Variants in CEP57 observed in about 807,000 individuals in gnomAD.
The protein encoded by CEP57 is centrosomal protein 57.
In CEP57, 40 loss-of-function variants were observed where a neutral mutation model predicts 68.0. That is an observed-to-expected ratio of 0.59 (90% CI 0.46 to 0.77). CEP57 has a LOEUF of 0.77. Ranked by LOEUF, CEP57 falls within the 30% of genes least tolerant of loss-of-function variation. The pLI, the probability that CEP57 is intolerant of heterozygous loss-of-function variation, is 0.00. For synonymous variants in CEP57, 219 were observed against 198.7 expected (o/e 1.10, Z -0.86); for missense variants, 606 against 580.7 (o/e 1.04, Z -0.45).
chr11:95,822,536 A>C lies in CEP57; in HGVS notation c.845A>C (p.Tyr282Ser). The change falls in exon 8 of 11, where the codon TAT (tyrosine) becomes TCT (serine). Residue 282 changes from tyrosine to serine, a missense_variant. Tyr to Ser is a moderately radical substitution (Grantham distance 144). Transcript: ENST00000325542. ...SRNYFGAQPH[Y>S]RLCLGDMPFV... The stretch of plus-strand genomic sequence containing the variant: ...AACTATTTTGGTGCACAACCACATT[A>C]TAGATTATGCTTGGGTGATATGCCA... The C allele has an allele frequency of 6.2e-7, 1 of 1,613,760 alleles. No individual in the cohort carries two copies. The highest frequency in any genetic ancestry group is 1.1e-5 in the South Asian group (1 of 91,078).
chr11:95,795,817 G>A (rs921722360), intron 1 of CEP57, among the ~76,000 whole-genome samples: 9 of 152,072 alleles, frequency 5.9e-5, no homozygotes, highest in African/African-American at 2.2e-4. Flanking sequence ...ATTGGACCTT[G>A]ACTTCTCCAA....
intron 2 of CEP57, among the ~76,000 whole-genome samples, chr11:95,811,769 T>G (rs182136095): frequency 6.6e-6 from 1 of 152,144 alleles, no homozygotes; most frequent in Non-Finnish European, 1.5e-5. Flanking sequence ...AGATTTATAC[T>G]TTGATGGAAA....
intron 2 of CEP57, among the ~76,000 whole-genome samples, chr11:95,812,019 G>T (rs936123992): frequency 6.6e-6 from 1 of 152,022 alleles, no homozygotes; most frequent in Non-Finnish European, 1.5e-5. Context: ...CATTATCTTT[G>T]GGTAATAGGA....
chr11:95,819,092 G>GT (rs1036346628), intron 6 of CEP57, among the ~76,000 whole-genome samples, 188 bp downstream of exon 6: 5 of 152,082 alleles, frequency 3.3e-5, no homozygotes, highest in African/African-American at 1.2e-4. Context: ...AATTTGAACA[G>GT]TTTTTTAGCA....
Position 95,828,128 on chromosome 11 carries a change from G to A in CEP57, c.1127+101G>A, listed in dbSNP as rs536677907. The A allele has an allele frequency of 2.4e-5, 34 of 1,395,738 alleles. No individual in the cohort carries two copies. The South Asian group carries it at 4.4e-4, about 18-fold the overall frequency. 86.5% of individuals were successfully genotyped at this position (1,395,738 alleles called of 1,614,324 possible). A position where few individuals can be genotyped will look rare whatever the true frequency, so the allele number is the denominator to read the frequency against. On this transcript the variant is annotated intron_variant, in intron 9 of 10. Transcript: ENST00000325542. ...AATCTTACTTTCCTTTGTTGAGCAA[G>A]TATGGTTGAGCACAATCCTTATACC... is the stretch of plus-strand genomic sequence containing the variant.
intron 1 of CEP57, among the ~76,000 whole-genome samples, chr11:95,796,416 T>C (rs1565309778): frequency 6.6e-6 from 1 of 152,196 alleles, no homozygotes; most frequent in Non-Finnish European, 1.5e-5. Flanking sequence ...AGAATTGGGC[T>C]CCTTTCTACG....
intron 9 of CEP57, among the ~76,000 whole-genome samples, chr11:95,828,629 A>G (rs1225311168): frequency 1.3e-5 from 2 of 152,362 alleles, no homozygotes; most frequent in East Asian, 3.9e-4. Flanking sequence ...TTGAAGAGCA[A>G]GATTCATCTG....
At chr11:95,807,649 CGAGAA>C (rs1182384345) in intron 2 of CEP57, among the ~76,000 whole-genome samples, 1 of 151,802 alleles carries the variant, frequency 6.6e-6, no homozygotes, top group Non-Finnish European at 1.5e-5. Context: ...TGAAATGAAG[CGAGAA>C]GAGAAGTTTA....
At chr11:95,799,983 G>C (rs762766474) in intron 2 of CEP57, among the ~76,000 whole-genome samples, 18 of 151,972 alleles carry the variant, frequency 1.2e-4, no homozygotes, top group Non-Finnish European at 2.4e-4. Context: ...CTTTGCTCTG[G>C]CTACTTTGAA....
intron 4 of CEP57, chr11:95,815,237 A>T (rs1862253545): frequency 6.6e-6 from 1 of 152,246 alleles, no homozygotes; most frequent in Admixed American, 6.5e-5. Context: ...TTGAGCAATC[A>T]TACAACAGTA....
At chr11:95,797,717 G>A (rs534554321) in intron 1 of CEP57, among the ~76,000 whole-genome samples, 1 of 152,318 alleles carries the variant, frequency 6.6e-6, no homozygotes, top group African/African-American at 2.4e-5. Context: ...GTCATGAGGA[G>A]TGATATAAAA....
chr11:95,807,920 G>T (rs570380086), intron 2 of CEP57, among the ~76,000 whole-genome samples: 1 of 152,274 alleles, frequency 6.6e-6, no homozygotes, highest in South Asian at 2.1e-4. Flanking sequence ...ATAATTGTCA[G>T]ATTCACCAAA....
intron 2 of CEP57, among the ~76,000 whole-genome samples, chr11:95,803,232 T>A (rs1164066245): frequency 6.6e-6 from 1 of 152,132 alleles, no homozygotes; most frequent in Non-Finnish European, 1.5e-5. Context: ...AAAAGCATAC[T>A]TAGAGGAATT....
At chr11:95,830,452 A>G (rs1438054218) in intron 10 of CEP57, among the ~76,000 whole-genome samples, 1 of 152,252 alleles carries the variant, frequency 6.6e-6, no homozygotes, top group Non-Finnish European at 1.5e-5. Flanking sequence ...TGCCAGCATC[A>G]GTTTGGCTAA....
intron 2 of CEP57, among the ~76,000 whole-genome samples, chr11:95,802,678 T>C (rs1174470809): frequency 1.3e-5 from 2 of 152,236 alleles, no homozygotes; most frequent in Non-Finnish European, 2.9e-5. Flanking sequence ...TGATTTGAGC[T>C]AAAATTAGGA....
intron 1 of CEP57, among the ~76,000 whole-genome samples, chr11:95,792,725 A>G (rs1337395937): frequency 1.3e-5 from 2 of 152,160 alleles, no homozygotes; most frequent in African/African-American, 4.8e-5. Context: ...AACAACCATA[A>G]CTCAATCTGC....
chr11:95,795,345 A>T (rs1020030234), intron 1 of CEP57, among the ~76,000 whole-genome samples: 3 of 152,050 alleles, frequency 2.0e-5, no homozygotes, highest in East Asian at 1.9e-4. Flanking sequence ...CATAAGTTGC[A>T]TTTTCTAATA....
intron 6 of CEP57, among the ~76,000 whole-genome samples, chr11:95,819,198 A>AACTTCTT (rs1200701040): frequency 6.6e-6 from 1 of 152,222 alleles, no homozygotes; most frequent in Non-Finnish European, 1.5e-5. Flanking sequence ...AATCATGTAA[A>AACTTCTT]ACTTCTTACG....
intron 6 of CEP57, among the ~76,000 whole-genome samples, chr11:95,819,927 T>C (rs1248961381): frequency 6.6e-6 from 1 of 152,238 alleles, no homozygotes; most frequent in Non-Finnish European, 1.5e-5. Context: ...TCCCTCAGTG[T>C]GCTTTCTGAG....
Sources: gnomAD v4.1 joint callset for allele counts (sites outside exome capture counted in the v4.1 genomes callset) on GRCh38, gnomAD v4.1.1 for gene constraint, MANE v1.5 for transcripts, NCBI Gene and HGNC (gene_info 2026-07-23, HGNC 2026-07-21) for gene names.